Variants in MTHFS observed in about 807,000 individuals in gnomAD.
The protein encoded by MTHFS is 5-formyltetrahydrofolate cyclo-ligase.
MTHFS carries 7 observed loss-of-function variants against 12.7 expected under a neutral mutation model. That is an observed-to-expected ratio of 0.55 (90% CI 0.31 to 1.03). The LOEUF (loss-of-function observed/expected upper bound fraction) is 1.03, where lower values mean the gene tolerates loss of function less well. Among genes scored for constraint, MTHFS ranks in the 50% least tolerant of loss-of-function variants. MTHFS has a pLI of 0.05. For missense variants in MTHFS, 252 were observed against 258.1 expected (o/e 0.98, Z 0.16); for synonymous variants, 100 against 97.1 (o/e 1.03, Z -0.18).
chr15:79,853,543 T>C (rs945488300), intron 2 of MTHFS, among the ~76,000 whole-genome samples: 2 of 152,236 alleles, frequency 1.3e-5, no homozygotes, highest in African/African-American at 4.8e-5. Context: ...AGCTGTATTA[T>C]ACTTGGGGAT....
intron 2 of MTHFS, among the ~76,000 whole-genome samples, chr15:79,875,065 A>G (rs1339184246): frequency 6.6e-6 from 1 of 152,166 alleles, no homozygotes; most frequent in African/African-American, 2.4e-5. Flanking sequence ...AGGAAATCAC[A>G]AGAGTATTGA....
intron 2 of MTHFS, among the ~76,000 whole-genome samples, chr15:79,882,999 A>G (rs1384281123): frequency 6.6e-6 from 1 of 152,242 alleles, no homozygotes; most frequent in Non-Finnish European, 1.5e-5. Context: ...TGAGGCCAGG[A>G]GTTCAAGATC....
chr15:79,880,892 G>A (rs1306313764), intron 2 of MTHFS, among the ~76,000 whole-genome samples: 4 of 152,044 alleles, frequency 2.6e-5, no homozygotes, highest in East Asian at 3.9e-4. Context: ...AATACAGGGC[G>A]AAAACACAGG....
At chr15:79,894,206 C>T (rs2034525681) in intron 1 of MTHFS, among the ~76,000 whole-genome samples, 3 of 152,140 alleles carry the variant, frequency 2.0e-5, no homozygotes, top group Admixed American at 6.5e-5. Context: ...CATGGTGAAA[C>T]CCCGTCTCTA....
chr15:79,855,376 G>T (rs1486718748), intron 2 of MTHFS, among the ~76,000 whole-genome samples: 2 of 152,138 alleles, frequency 1.3e-5, no homozygotes, highest in East Asian at 3.9e-4. Context: ...CATCTGAGTT[G>T]TTGATAATCA....
intron 2 of MTHFS, chr15:79,878,220 T>A (rs1013710392): frequency 6.6e-6 from 1 of 152,016 alleles, no homozygotes; most frequent in African/African-American, 2.4e-5. Context: ...ACTTATACTG[T>A]CGTGTGAATT....
Position 79,872,103 on chromosome 15 carries a change from CAAA to C in MTHFS, c.379+16987_379+16989del, listed in dbSNP as rs58835744. On this transcript the variant is annotated intron_variant, in intron 2 of 2. Transcript: ENST00000258874. Reference sequence around the variant, plus strand: ...CTGGCGACAGAGCAAGACTCCGTCTCAAAAAAAAAAAAAAAAAAAAAAAAATTT... The same window carrying C: ...CTGGCGACAGAGCAAGACTCCGTCTCAAAAAAAAAAAAAAAAAAAAAATTT... 9.0e-5 allele frequency among the ~76,000 whole-genome samples: 6 copies of C among 66,768 alleles called. No homozygotes were observed. In the East Asian group the frequency reaches 1.2e-3, roughly 14 times the overall value. The allele number at this position is 66,768 out of a possible 152,430, so 43.8% of individuals were successfully genotyped here.
chr15:79,886,888 C>G (rs1208756189), intron 2 of MTHFS, among the ~76,000 whole-genome samples: 1 of 152,120 alleles, frequency 6.6e-6, no homozygotes, highest in Non-Finnish European at 1.5e-5. Flanking sequence ...GACTTCCTTG[C>G]TTAAAATTAA....
intron 2 of MTHFS, among the ~76,000 whole-genome samples, chr15:79,885,927 T>C (rs936515859): frequency 6.6e-6 from 1 of 152,200 alleles, no homozygotes; most frequent in Non-Finnish European, 1.5e-5. Context: ...TAAAATCTCA[T>C]TTTTGCTTAA....
chr15:79,894,760 T>C (rs4328397), intron 1 of MTHFS, among the ~76,000 whole-genome samples: 19,801 of 152,196 alleles, frequency 0.13, 1,685 homozygotes, highest in East Asian at 0.31. Context: ...TTGGAATCAC[T>C]GGTGACTCTC....
rs139248400 is a variant in MTHFS at position 79,852,207 on chromosome 15, A to G, written c.380-6765T>C. ...GGCAGAACTGTCAAAAATCAATACC[A>G]TATGTTTTGAACTCATTATGATTGC... On this transcript the variant is annotated intron_variant, in intron 2 of 2. Coordinates refer to ENST00000258874, the MANE Select transcript of MTHFS (RefSeq NM_006441.4). Among the ~76,000 whole-genome samples, 8 of 152,288 alleles carry G rather than the reference A, an allele frequency of 5.3e-5. No individual in the cohort carries two copies. In the East Asian group the frequency reaches 1.5e-3, roughly 29 times the overall value.
rs926215192 is a variant in MTHFS, at chr15:79,843,606, GAAT to G, written c.*1601_*1603del. The G allele has an allele frequency of 5.9e-5, 9 of 152,042 alleles. No individual in the cohort carries two copies. Among genetic ancestry groups the G allele is most frequent in the African/African-American group, 2.2e-4 (9 of 41,384 alleles). The allele number at this position is 152,042 out of a possible 1,614,324, so 9.4% of individuals were successfully genotyped here. A position where few individuals can be genotyped will look rare whatever the true frequency, so the allele number is the denominator to read the frequency against. ...CATCAAATTTATGCTACTATCCAAA[GAAT>G]AATGGATGAGTATTTTGAATGAAAC... On this transcript the variant is annotated 3_prime_UTR_variant, in exon 3 of 3. Transcript: ENST00000258874.
chr15:79,853,845 G>C (rs947591006), intron 2 of MTHFS, among the ~76,000 whole-genome samples: 1 of 152,196 alleles, frequency 6.6e-6, no homozygotes, highest in Non-Finnish European at 1.5e-5. Flanking sequence ...TCTTTAAAAG[G>C]CTCCTTTGAG....
At chr15:79,861,493 T>C (rs1250089419) in intron 2 of MTHFS, among the ~76,000 whole-genome samples, 2 of 152,260 alleles carry the variant, frequency 1.3e-5, no homozygotes, top group South Asian at 2.1e-4. Context: ...CTCTCATGTG[T>C]TGGTGATGAG....
Position 79,844,293 on chromosome 15 carries a change from T to C in MTHFS, c.*917A>G, listed in dbSNP as rs2033570483. On this transcript the variant is annotated 3_prime_UTR_variant, in exon 3 of 3. Coordinates refer to ENST00000258874, the MANE Select transcript of MTHFS (RefSeq NM_006441.4). ...ACTCTCGCCTAGTCCAGCTTAGAAA[T>C]GCTAAAAGGCTGGACAAAAGGAGTG... 6.6e-6 allele frequency: 1 copy of C among 152,234 alleles called. No homozygotes were observed. The highest frequency in any genetic ancestry group is 1.5e-5 in the Non-Finnish European group (1 of 68,024). 9.4% of individuals were successfully genotyped at this position (152,234 alleles called of 1,614,324 possible).
chr15:79,863,432 C>G (rs2033952248), intron 2 of MTHFS, among the ~76,000 whole-genome samples: 1 of 152,238 alleles, frequency 6.6e-6, no homozygotes, highest in Non-Finnish European at 1.5e-5. Context: ...ATACCCTTCA[C>G]AACGTGGGCC....
chr15:79,866,294 A>G (rs558070943), intron 2 of MTHFS, among the ~76,000 whole-genome samples: 2 of 152,218 alleles, frequency 1.3e-5, no homozygotes, highest in South Asian at 4.2e-4. Context: ...ATTTTCTCTT[A>G]TGTCTTCCAA....
chr15:79,861,895 A>C (rs1476269668), intron 2 of MTHFS, among the ~76,000 whole-genome samples: 3 of 152,238 alleles, frequency 2.0e-5, no homozygotes, highest in Non-Finnish European at 4.4e-5. Flanking sequence ...ATATATATCT[A>C]GAAGGATACA....
intron 2 of MTHFS, among the ~76,000 whole-genome samples, chr15:79,865,609 T>A (rs1387266097): frequency 2.6e-5 from 4 of 152,184 alleles, no homozygotes; most frequent in Admixed American, 1.3e-4. Flanking sequence ...AGACACCTAG[T>A]GCAAAGCTGA....
Sources: allele counts gnomAD v4.1 joint callset (sites outside exome capture counted in the v4.1 genomes callset), GRCh38; gene constraint gnomAD v4.1.1; transcripts MANE v1.5; gene names NCBI Gene and HGNC (gene_info 2026-07-23, HGNC 2026-07-21).